Variants in GBE1 observed in about 807,000 individuals in gnomAD.
The protein encoded by GBE1 is 1,4-alpha-glucan branching enzyme 1.
A neutral mutation model predicts 88.8 loss-of-function variants in GBE1; 70 were observed. The observed-to-expected ratio is 0.79, with a 90% CI of 0.65 to 0.96. The LOEUF (loss-of-function observed/expected upper bound fraction) is 0.96, where lower values mean the gene tolerates loss of function less well. GBE1 is among the 40% of genes least tolerant of loss of function. The probability of loss-of-function intolerance (pLI) is 0.00; values close to 1 mark genes in which losing one functional copy is unlikely to be tolerated. For missense variants in GBE1, 872 were observed against 871.0 expected, an observed-to-expected ratio of 1.00 and a Z score of -0.01; for synonymous variants, 284 against 300.1, an observed-to-expected ratio of 0.95 and a Z score of 0.56.
chr3:81,656,547 C>A (rs1704942055), intron 3 of GBE1, among the ~76,000 whole-genome samples: 1 of 152,140 alleles, frequency 6.6e-6, no homozygotes, highest in Non-Finnish European at 1.5e-5. Flanking sequence ...CATATTTACA[C>A]AGTAGCCTTA....
At chr3:81,581,044 C>T (rs1261694790) in intron 11 of GBE1, 121 bp downstream of exon 11, 6 of 618,420 alleles carry the variant, frequency 9.7e-6, no homozygotes, top group African/African-American at 1.9e-5. Context: ...CACATACACA[C>T]ATTATAGTAA....
In GBE1 at chr3:81,551,750, A is replaced by G. The variant is rs181533892; in HGVS notation, c.1619-14655T>C. Among the ~76,000 whole-genome samples, 4 of 152,324 alleles carry G rather than the reference A, an allele frequency of 2.6e-5. No homozygotes were observed. The East Asian group carries it at 7.7e-4, about 29-fold the overall frequency. ...GGACACATGTCATCAGGACCTCCTG[A>G]GGCTGTGTCCGGGCACACATCTTCA... is the stretch of plus-strand genomic sequence containing the variant. On this transcript the variant is annotated intron_variant, in intron 12 of 15. Coordinates refer to ENST00000429644, the MANE Select transcript of GBE1 (RefSeq NM_000158.4).
At chr3:81,694,465 G>C (rs2107149119) in intron 2 of GBE1, among the ~76,000 whole-genome samples, 1 of 152,264 alleles carries the variant, frequency 6.6e-6, no homozygotes, top group Admixed American at 6.5e-5. Context: ...ACTCTAGATT[G>C]CAAGAGTGGG....
chr3:81,563,349 C>A (rs747694914), intron 12 of GBE1, among the ~76,000 whole-genome samples: 3 of 152,136 alleles, frequency 2.0e-5, no homozygotes, highest in African/African-American at 7.2e-5. Flanking sequence ...ATTAACAACA[C>A]GGCAGAAATA....
At chr3:81,585,117 A>G (rs905028022) in intron 10 of GBE1, among the ~76,000 whole-genome samples, 1 of 152,170 alleles carries the variant, frequency 6.6e-6, no homozygotes, top group African/African-American at 2.4e-5. Context: ...AAATCTTTAT[A>G]AAATACTTGC....
intron 15 of GBE1, among the ~76,000 whole-genome samples, chr3:81,495,454 C>CT (rs1292461414): frequency 2.6e-5 from 4 of 151,940 alleles, no homozygotes; most frequent in East Asian, 1.9e-4. Context: ...TACATAAACA[C>CT]TTTTTTATAA....
chr3:81,657,382 CA>C (rs201849578), intron 3 of GBE1, among the ~76,000 whole-genome samples: 11 of 145,064 alleles, frequency 7.6e-5, no homozygotes, highest in South Asian at 2.2e-4. Context: ...AATCAGTGAA[CA>C]AAAAAAAAAT....
chr3:81,716,360 A>G (rs1705937354), intron 1 of GBE1, among the ~76,000 whole-genome samples: 1 of 152,182 alleles, frequency 6.6e-6, no homozygotes, highest in South Asian at 2.1e-4. Context: ...AGTTGCTACT[A>G]TTTAAAAGAG....
intron 12 of GBE1, among the ~76,000 whole-genome samples, chr3:81,541,714 C>T (rs938851332): frequency 2.6e-4 from 40 of 152,086 alleles, no homozygotes; most frequent in Non-Finnish European, 3.7e-4. Context: ...CTAGGACTTC[C>T]CAGCATCCAG....
At chr3:81,717,967 A>ATTTATTTT (rs1404917176) in intron 1 of GBE1, among the ~76,000 whole-genome samples, 1 of 142,742 alleles carries the variant, frequency 7.0e-6, no homozygotes, top group African/African-American at 2.8e-5. Flanking sequence ...TTATTTATTT[A>ATTTATTTT]TTTATTTATT....
chr3:81,747,005 A>G (rs1192497796), intron 1 of GBE1, among the ~76,000 whole-genome samples: 2 of 152,222 alleles, frequency 1.3e-5, no homozygotes, highest in African/African-American at 4.8e-5. Flanking sequence ...TTGTCAGTTT[A>G]TGATCATTAA....
chr3:81,665,187 TTAAG>T (rs1705093773), intron 3 of GBE1, among the ~76,000 whole-genome samples: 1 of 152,166 alleles, frequency 6.6e-6, no homozygotes, highest in South Asian at 2.1e-4. Flanking sequence ...AATAAGTTCT[TTAAG>T]TAATTTATGA....
chr3:81,705,587 T>C lies in GBE1; in HGVS notation c.170A>G (p.Lys57Arg), dbSNP rs544821452. The C allele has an allele frequency of 7.1e-5, 111 of 1,567,864 alleles. No individual in the cohort carries two copies. The South Asian group carries it at 1.3e-3, about 18-fold the overall frequency. The change falls in exon 2 of 16, where the codon AAG (lysine) becomes AGG (arginine). Residue 57 changes from lysine to arginine, a missense_variant. Coordinates refer to ENST00000429644, the MANE Select transcript of GBE1 (RefSeq NM_000158.4). ...RRYKQFSQIL[K>R]NIGENEGGID... ...ACCACCTTCATTTTCTCCAATGTTCTTCAAAATTTGGCTAAACTGCTTATA... is the reference window on the plus strand; with the variant it reads ...ACCACCTTCATTTTCTCCAATGTTCCTCAAAATTTGGCTAAACTGCTTATA...
chr3:81,669,520 T>A (rs1705159012), intron 3 of GBE1, among the ~76,000 whole-genome samples: 1 of 152,112 alleles, frequency 6.6e-6, no homozygotes, highest in African/African-American at 2.4e-5. Context: ...TTGATTTACT[T>A]CTTCAAAGAC....
chr3:81,638,566 T>C (rs906715430), intron 7 of GBE1, among the ~76,000 whole-genome samples: 1 of 152,158 alleles, frequency 6.6e-6, no homozygotes, highest in East Asian at 1.9e-4. Context: ...CTGAAACTTA[T>C]GGGTGACACA....
At chr3:81,696,599 C>T (rs1173954468) in intron 2 of GBE1, among the ~76,000 whole-genome samples, 1 of 152,076 alleles carries the variant, frequency 6.6e-6, no homozygotes, top group Admixed American at 6.6e-5. Context: ...GAATAATGCA[C>T]TTTGTGTAAG....
rs971848365 is a variant in GBE1, at chr3:81,537,149, T to A, written c.1619-54A>T. Reference sequence around the variant, plus strand: ...GCCTATTAATATTAGAATTTCTTACTAATAATAAATCAATAATTATATGTT... The same window carrying A: ...GCCTATTAATATTAGAATTTCTTACAAATAATAAATCAATAATTATATGTT... On this transcript the variant is annotated intron_variant, in intron 12 of 15. Transcript: ENST00000429644. 3 of 1,037,406 alleles carry A rather than the reference T, an allele frequency of 2.9e-6. No homozygotes were observed. In the African/African-American group the frequency reaches 5.1e-5, roughly 18 times the overall value. 64.3% of individuals were successfully genotyped at this position (1,037,406 alleles called of 1,614,324 possible). A position where few individuals can be genotyped will look rare whatever the true frequency, so the allele number is the denominator to read the frequency against.
intron 7 of GBE1, among the ~76,000 whole-genome samples, chr3:81,639,240 T>C (rs1025991425): frequency 6.6e-6 from 1 of 152,180 alleles, no homozygotes; most frequent in Non-Finnish European, 1.5e-5. Flanking sequence ...TAAATACAAG[T>C]ATGTTGTTCA....
rs370002048 is a variant in GBE1 at position 81,748,732 on chromosome 3, G to A, written c.143+12643C>T. 9.2e-5 allele frequency among the ~76,000 whole-genome samples: 14 copies of A among 152,126 alleles called. No homozygotes were observed. In the Middle Eastern group the frequency reaches 0.014, roughly 148 times the overall value. On this transcript the variant is annotated intron_variant, in intron 1 of 15. Coordinates refer to ENST00000429644, the MANE Select transcript of GBE1 (RefSeq NM_000158.4). ...ATACTGTAGAAAATATCTGGAGGCC[G>A]GGCGCAGTGGCTCAGCCTGTAATTC...
Sources: allele counts gnomAD v4.1 joint callset (sites outside exome capture counted in the v4.1 genomes callset), GRCh38; gene constraint gnomAD v4.1.1; transcripts MANE v1.5; gene names NCBI Gene and HGNC (gene_info 2026-07-23, HGNC 2026-07-21).